Variants in NRG1 observed in about 807,000 individuals in gnomAD.
NRG1 encodes neuregulin 1.
NRG1 carries 18 observed loss-of-function variants against 63.8 expected under a neutral mutation model. The ratio of observed to expected loss-of-function variants is 0.28; its 90% CI spans 0.19 to 0.42. NRG1 has a LOEUF of 0.42. Among genes scored for constraint, NRG1 ranks in the 10% least tolerant of loss-of-function variants. NRG1 has a pLI of 1.00. For missense variants in NRG1, 762 were observed against 814.7 expected, an observed-to-expected ratio of 0.94 and a Z score of 0.79; for synonymous variants, 302 against 301.3, an observed-to-expected ratio of 1.00 and a Z score of -0.02.
At chr8:32,113,520 T>C (rs1163792667) in intron 1 of NRG1, among the ~76,000 whole-genome samples, 1 of 152,172 alleles carries the variant, frequency 6.6e-6, no homozygotes, top group Non-Finnish European at 1.5e-5. Context: ...CTGATATAAC[T>C]AATATCTTGA....
At chr8:31,748,756 C>T (rs1378882092) in intron 1 of NRG1, among the ~76,000 whole-genome samples, 1 of 151,708 alleles carries the variant, frequency 6.6e-6, no homozygotes, top group Non-Finnish European at 1.5e-5. Flanking sequence ...ATTTTTGGCA[C>T]TCCTCCTTTC....
chr8:31,980,321 C>A (rs1393112119), intron 1 of NRG1, among the ~76,000 whole-genome samples: 2 of 151,970 alleles, frequency 1.3e-5, no homozygotes, highest in Non-Finnish European at 2.9e-5. Context: ...AACTAACCGT[C>A]CTTTGAATTT....
At chr8:32,114,119 C>T (rs1003760198) in intron 1 of NRG1, among the ~76,000 whole-genome samples, 17 of 152,334 alleles carry the variant, frequency 1.1e-4, no homozygotes, top group African/African-American at 2.9e-4. Flanking sequence ...CGTTTACTTA[C>T]ATTTGTTTGT....
At chr8:31,713,256 A>G (rs1201017947) in intron 1 of NRG1, among the ~76,000 whole-genome samples, 1 of 151,262 alleles carries the variant, frequency 6.6e-6, no homozygotes, top group Admixed American at 6.6e-5. Context: ...AGCTGGGACT[A>G]CAGGCGCCCA....
intron 1 of NRG1, among the ~76,000 whole-genome samples, chr8:31,805,814 C>G (rs1402764216): frequency 1.3e-4 from 14 of 107,634 alleles, no homozygotes; most frequent in Admixed American, 9.6e-4. Context: ...GGCAACCGAG[C>G]GGGACTCCGT....
chr8:32,108,237 G>T (rs537155363), intron 1 of NRG1, among the ~76,000 whole-genome samples: 4 of 152,108 alleles, frequency 2.6e-5, no homozygotes, highest in Non-Finnish European at 5.9e-5. Context: ...TACTATTTTA[G>T]TCCATTTGTG....
intron 1 of NRG1, among the ~76,000 whole-genome samples, chr8:31,986,484 G>C (rs1810090764): frequency 6.6e-6 from 1 of 151,980 alleles, no homozygotes; most frequent in Non-Finnish European, 1.5e-5. Flanking sequence ...GGGTAGAATT[G>C]GCATTTGACA....
chr8:31,802,890 T>C (rs960801154), intron 1 of NRG1, among the ~76,000 whole-genome samples: 3 of 152,200 alleles, frequency 2.0e-5, no homozygotes, highest in Admixed American at 2.0e-4. Context: ...ATATTCAGAT[T>C]TTTAAATAGA....
chr8:31,639,494 A>G, intron 1 of NRG1: 2 of 1,528,510 alleles, frequency 1.3e-6, no homozygotes, highest in South Asian at 1.2e-5. Flanking sequence ...ATTTCCAGGC[A>G]CGCAACTCCG....
intron 1 of NRG1, among the ~76,000 whole-genome samples, chr8:32,116,256 C>G (rs1832698949): frequency 6.6e-6 from 1 of 152,106 alleles, no homozygotes; most frequent in African/African-American, 2.4e-5. Context: ...TGTCTTTCAG[C>G]ACTTGGGGAG....
intron 1 of NRG1, chr8:32,136,882 T>A (rs956617716): frequency 2.0e-5 from 3 of 152,170 alleles, no homozygotes; most frequent in African/African-American, 4.8e-5. Context: ...TTGGGCCTTA[T>A]ATAACACCTT....
chr8:32,472,301 C>T (rs1179856424), intron 1 of NRG1, among the ~76,000 whole-genome samples: 2 of 152,158 alleles, frequency 1.3e-5, no homozygotes, highest in African/African-American at 4.8e-5. Context: ...TCCTGATTAG[C>T]TGGGATTACA....
At chr8:32,370,857 CAAAAA>C (rs570354347) in intron 1 of NRG1, among the ~76,000 whole-genome samples, 1 of 52,052 alleles carries the variant, frequency 1.9e-5, no homozygotes, top group African/African-American at 8.7e-5. Context: ...GACTCTGTCT[CAAAAA>C]AAAAAAAAAA....
chr8:32,143,939 C>T (rs1230465523), intron 1 of NRG1, among the ~76,000 whole-genome samples: 1 of 152,314 alleles, frequency 6.6e-6, no homozygotes, highest in South Asian at 2.1e-4. Flanking sequence ...TGCAGGGCTC[C>T]CATTATCTGC....
chr8:32,030,194 A>G (rs1436289278), intron 1 of NRG1, among the ~76,000 whole-genome samples: 1 of 152,248 alleles, frequency 6.6e-6, no homozygotes, highest in Non-Finnish European at 1.5e-5. Flanking sequence ...TAGATCTGTC[A>G]TACTACATAT....
intron 1 of NRG1, among the ~76,000 whole-genome samples, chr8:32,283,684 A>G (rs1298777822): frequency 5.3e-5 from 8 of 152,178 alleles, no homozygotes. Context: ...TAGGGTTTCT[A>G]TTAGAGTTTC....
chr8:32,185,229 C>T lies in NRG1; in HGVS notation c.38-410599C>T, dbSNP rs73576636. Among the ~76,000 whole-genome samples, 10 of 152,204 alleles carry T rather than the reference C, an allele frequency of 6.6e-5. No individual in the cohort carries two copies. In the South Asian group the frequency reaches 8.3e-4, roughly 13 times the overall value. ...GCATTAACCTGCAGAACCATAACAC[C>T]GTGAATATAGCAGTAAAGGCAATTA... On this transcript the variant is annotated intron_variant, in intron 1 of 10. Coordinates refer to the NRG1 transcript ENST00000519301.
At position 32,048,473 on chromosome 8, in the gene NRG1, A is replaced by G. The variant is rs1328838378; in HGVS notation, c.37+409042A>G. On this transcript the variant is annotated intron_variant, in intron 1 of 10. Transcript: ENST00000519301. ...TATATATATATATATATATATATAT[A>G]TATATATATATAGTGGTGGGATTGC... Among the ~76,000 whole-genome samples the G allele has an allele frequency of 3.3e-5, 3 of 91,618 alleles. 1 individual carries two copies. The highest frequency in any genetic ancestry group is 7.2e-5 in the African/African-American group (2 of 27,618). 60.1% of individuals were successfully genotyped at this position (91,618 alleles called of 152,430 possible).
In NRG1 at chr8:32,069,594, T is replaced by G. The variant is rs547108293; in HGVS notation, c.37+430163T>G. Among the ~76,000 whole-genome samples the G allele has an allele frequency of 5.1e-4, 77 of 152,202 alleles. 1 individual carries two copies. In the South Asian group the frequency reaches 0.015, roughly 29 times the overall value. ...TAGAAAAGAGAGAGACTCTAAATGG[T>G]GCTAGTGGGGTGGCCTAAGCCCTGA... is the stretch of plus-strand genomic sequence containing the variant. On this transcript the variant is annotated intron_variant, in intron 1 of 10. Coordinates refer to the NRG1 transcript ENST00000519301.
Sources: allele counts gnomAD v4.1 joint callset (sites outside exome capture counted in the v4.1 genomes callset), GRCh38; gene constraint gnomAD v4.1.1; transcripts MANE v1.5; gene names NCBI Gene and HGNC (gene_info 2026-07-23, HGNC 2026-07-21).